Variants in CDH4 observed in about 807,000 individuals in gnomAD.
CDH4 encodes cadherin 4.
Under a neutral mutation model 86.0 loss-of-function variants are expected in CDH4, and 33 were observed. That is an observed-to-expected ratio of 0.38 (90% CI 0.29 to 0.51). The LOEUF (loss-of-function observed/expected upper bound fraction) is 0.51. Ranked by LOEUF, CDH4 falls within the 20% of genes least tolerant of loss-of-function variation. The probability of loss-of-function intolerance (pLI) is 0.86; values close to 1 mark genes in which losing one functional copy is unlikely to be tolerated. For missense variants in CDH4, 1,114 were observed against 1,307.4 expected, an observed-to-expected ratio of 0.85 and a Z score of 2.28; for synonymous variants, 555 against 549.4, an observed-to-expected ratio of 1.01 and a Z score of -0.14.
intron 11 of CDH4, among the ~76,000 whole-genome samples, chr20:61,926,639 G>A (rs573240932): frequency 1.7e-4 from 26 of 152,300 alleles, no homozygotes; most frequent in African/African-American, 4.3e-4. Flanking sequence ...TTGGGAGGCC[G>A]AGGCAGGTGG....
At chr20:61,546,084 A>ATT (rs2086081676) in intron 2 of CDH4, among the ~76,000 whole-genome samples, 3 of 518 alleles carry the variant, frequency 5.8e-3, no homozygotes, top group Admixed American at 0.019. Flanking sequence ...GTTTGTTCAC[A>ATT]CGTGTGTGTG....
chr20:61,451,984 T>C (rs1409700208), intron 2 of CDH4, among the ~76,000 whole-genome samples: 1 of 152,264 alleles, frequency 6.6e-6, no homozygotes, highest in Non-Finnish European at 1.5e-5. Context: ...GAAACTTGAT[T>C]GTGAGTCTTG....
intron 2 of CDH4, among the ~76,000 whole-genome samples, chr20:61,629,179 C>T (rs561561901): frequency 6.6e-6 from 1 of 152,304 alleles, no homozygotes; most frequent in Admixed American, 6.5e-5. Flanking sequence ...ACGTGCTTGT[C>T]TTGTGAAGCA....
In CDH4 at chr20:61,416,371, C is replaced by T. The variant is rs138118762; in HGVS notation, c.169+161434C>T. ...CACATTCTGTTTATCCCCTCATTCACGAGTGAATGTTTGGCTCATTGTTTC... is the reference window on the plus strand; with the variant it reads ...CACATTCTGTTTATCCCCTCATTCATGAGTGAATGTTTGGCTCATTGTTTC... On this transcript the variant is annotated intron_variant, in intron 2 of 15. Transcript: ENST00000614565. Among the ~76,000 whole-genome samples the T allele has an allele frequency of 9.3e-4, 142 of 152,302 alleles. 1 individual carries two copies. The highest frequency in any genetic ancestry group is 1.4e-3 in the Non-Finnish European group (97 of 68,022).
intron 2 of CDH4, among the ~76,000 whole-genome samples, chr20:61,631,544 C>T (rs879853159): frequency 5.3e-5 from 8 of 152,170 alleles, no homozygotes; most frequent in Non-Finnish European, 1.0e-4. Flanking sequence ...ACTCAGGAGG[C>T]TGAAGCAGGA....
chr20:61,415,414 A>T (rs2252796), intron 2 of CDH4, among the ~76,000 whole-genome samples: 95,909 of 152,074 alleles, frequency 0.63, 31,006 homozygotes, highest in African/African-American at 0.77. Context: ...TTTTATGTGT[A>T]CAGTCAGCGG....
chr20:61,602,755 G>C (rs896284654), intron 2 of CDH4, among the ~76,000 whole-genome samples: 1 of 150,248 alleles, frequency 6.7e-6, no homozygotes, highest in Admixed American at 6.7e-5. Context: ...TGCTGTGTGT[G>C]CCAGGCCAGC....
chr20:61,424,542 G>C (rs562338267), intron 2 of CDH4, among the ~76,000 whole-genome samples: 2 of 152,290 alleles, frequency 1.3e-5, no homozygotes, highest in African/African-American at 4.8e-5. Context: ...CACAGGCCCT[G>C]TAGACCCTCC....
At chr20:61,700,052 A>C (rs1228900754) in intron 2 of CDH4, among the ~76,000 whole-genome samples, 1 of 151,910 alleles carries the variant, frequency 6.6e-6, no homozygotes, top group Non-Finnish European at 1.5e-5. Flanking sequence ...GGAACACCCC[A>C]CCCCCGGGGA....
intron 2 of CDH4, among the ~76,000 whole-genome samples, chr20:61,447,323 ATTTTTTT>A (rs71331923): frequency 8.1e-5 from 9 of 110,858 alleles, no homozygotes; most frequent in South Asian, 3.3e-4. Context: ...CGCCCAGCTG[ATTTTTTT>A]TTTTTTTTTT....
At chr20:61,826,141 C>T (rs767326109) in intron 4 of CDH4, among the ~76,000 whole-genome samples, 1 of 152,210 alleles carries the variant, frequency 6.6e-6, no homozygotes, top group Non-Finnish European at 1.5e-5. Flanking sequence ...GTGTCCCCTT[C>T]TGCTCAGAAC....
At chr20:61,763,836 G>A (rs112192290) in intron 3 of CDH4, among the ~76,000 whole-genome samples, 2 of 152,128 alleles carry the variant, frequency 1.3e-5, no homozygotes, top group Admixed American at 1.3e-4. Flanking sequence ...GTGGATTCGA[G>A]AATAAAAAAT....
At chr20:61,282,696 C>T (rs12626084) in intron 2 of CDH4, among the ~76,000 whole-genome samples, 17,851 of 152,196 alleles carry the variant, frequency 0.12, 1,331 homozygotes, top group Non-Finnish European at 0.15. Flanking sequence ...GTGGGATGTT[C>T]AGATGTGCAT....
chr20:61,557,039 A>C (rs891600316), intron 2 of CDH4, among the ~76,000 whole-genome samples: 1 of 152,108 alleles, frequency 6.6e-6, no homozygotes, highest in African/African-American at 2.4e-5. Context: ...GATGAGTTGG[A>C]GAGAATGCTT....
chr20:61,546,070 G>T lies in CDH4; in HGVS notation c.170-197493G>T, dbSNP rs75122797. Reference sequence around the variant, plus strand: ...GGAGGGCTGTCTGTGCATGTGTGGAGGGGGTTTGTTCACACGTGTGTGTGT... The same window carrying T: ...GGAGGGCTGTCTGTGCATGTGTGGATGGGGTTTGTTCACACGTGTGTGTGT... On this transcript the variant is annotated intron_variant, in intron 2 of 15. Transcript: ENST00000614565. Among the ~76,000 whole-genome samples the T allele has an allele frequency of 3.3e-3, 2 of 614 alleles. 1 individual carries two copies. Among genetic ancestry groups the T allele is most frequent in the Non-Finnish European group, 6.8e-3 (2 of 296 alleles). 0.4% of individuals were successfully genotyped at this position (614 alleles called of 152,430 possible). A position where few individuals can be genotyped will look rare whatever the true frequency, so the allele number is the denominator to read the frequency against.
rs139765371 is a variant in CDH4, at chr20:61,455,980, AGGATGGAT to A, written c.169+201056_169+201063del. On this transcript the variant is annotated intron_variant, in intron 2 of 15. Coordinates refer to ENST00000614565, the MANE Select transcript of CDH4 (RefSeq NM_001794.5). Reference sequence around the variant, plus strand: ...ATAGATGGAGAGAAGGAAGGATAGAAGGATGGATGGATGGATGGATAGATATATGGAGG... The same window carrying A: ...ATAGATGGAGAGAAGGAAGGATAGAAGGATGGATGGATAGATATATGGAGG... Among the ~76,000 whole-genome samples, 6 of 151,818 alleles carry A rather than the reference AGGATGGAT, an allele frequency of 4.0e-5. No individual in the cohort carries two copies. The East Asian group carries it at 5.8e-4, about 15-fold the overall frequency.
intron 2 of CDH4, among the ~76,000 whole-genome samples, chr20:61,617,461 C>G (rs1193453606): frequency 3.3e-5 from 5 of 152,222 alleles, no homozygotes; most frequent in Non-Finnish European, 7.3e-5. Flanking sequence ...GTGAAGCCCC[C>G]ATTGCAGGCT....
At chr20:61,565,072 T>TGGTGGC in intron 2 of CDH4, among the ~76,000 whole-genome samples, 1 of 123,062 alleles carries the variant, frequency 8.1e-6, no homozygotes, top group East Asian at 2.5e-4. Flanking sequence ...TTGGTGGTGG[T>TGGTGGC]GGTGGTGGTG....
Position 61,582,976 on chromosome 20 carries a change from T to G in CDH4, c.170-160587T>G, listed in dbSNP as rs1391733976. Among the ~76,000 whole-genome samples, 1 of 151,968 alleles carries G rather than the reference T, an allele frequency of 6.6e-6. No individual in the cohort carries two copies. Among genetic ancestry groups the G allele is most frequent in the Admixed American group, 6.5e-5 (1 of 15,278 alleles). On this transcript the variant is annotated intron_variant, in intron 2 of 15. Transcript: ENST00000614565. This position sits in a 1 kb window ranked among gnomAD's most constrained non-coding sequence, Gnocchi z 4.2. ...GCCCTAGGCAGCCACTAATCTACTT[T>G]CTGTCTCTGTCGACTTCCCTGTTCT...
Sources: gnomAD v4.1 joint callset for allele counts (sites outside exome capture counted in the v4.1 genomes callset) on GRCh38, gnomAD v4.1.1 for gene constraint, Gnocchi (gnomAD v3.1) non-coding constraint, MANE v1.5 for transcripts, NCBI Gene and HGNC (gene_info 2026-07-23, HGNC 2026-07-21) for gene names.